Variants in TEX14 observed in about 807,000 individuals in gnomAD.
TEX14 encodes inactive serine/threonine-protein kinase TEX14.
A neutral mutation model predicts 178.6 loss-of-function variants in TEX14; 168 were observed. The ratio of observed to expected loss-of-function variants is 0.94; its 90% CI spans 0.83 to 1.07. The LOEUF (loss-of-function observed/expected upper bound fraction) is 1.07, where lower values mean the gene tolerates loss of function less well. Among genes scored for constraint, TEX14 ranks in the 50% least tolerant of loss-of-function variants. The pLI is 0.00. For missense variants in TEX14, 1,730 were observed against 1,753.6 expected (o/e 0.99, Z 0.24); for synonymous variants, 626 against 634.1 (o/e 0.99, Z 0.19).
chr17:58,667,891 TAAAA>T (rs1205836185), intron 1 of TEX14, among the ~76,000 whole-genome samples: 5 of 102,800 alleles, frequency 4.9e-5, no homozygotes, highest in African/African-American at 7.4e-5. Context: ...AGACTCTGGC[TAAAA>T]AAAAAAAAAA....
intron 14 of TEX14, among the ~76,000 whole-genome samples, chr17:58,596,053 C>G (rs1437837972): frequency 2.0e-5 from 3 of 151,906 alleles, no homozygotes; most frequent in Admixed American, 6.6e-5. Context: ...CATGGTGGTG[C>G]GCACCTGTAG....
rs531976860 is a variant in TEX14, at chr17:58,671,753, T to A, written c.-1-19751A>T. 1.4e-4 allele frequency among the ~76,000 whole-genome samples: 21 copies of A among 152,318 alleles called. No homozygotes were observed. The South Asian group carries it at 4.4e-3, about 32-fold the overall frequency. On this transcript the variant is annotated intron_variant, in intron 1 of 31. Coordinates refer to ENST00000349033, the MANE Select transcript of TEX14 (RefSeq NM_031272.5). ...ATATTTTAAAAACTCGTTTTCTTGTTCTATTTTCTCACCATTTTACATGTT... is the reference window on the plus strand; with the variant it reads ...ATATTTTAAAAACTCGTTTTCTTGTACTATTTTCTCACCATTTTACATGTT...
At chr17:58,602,647 G>T in intron 11 of TEX14, 57 bp from the exon 12 acceptor site, 1 of 1,431,816 alleles carries the variant, frequency 7.0e-7, no homozygotes, top group Non-Finnish European at 9.6e-7. Flanking sequence ...GTGGAGTGGG[G>T]GGAAAAGAAA....
At chr17:58,591,461 T>G (rs1242524109) in intron 15 of TEX14, among the ~76,000 whole-genome samples, 1 of 152,080 alleles carries the variant, frequency 6.6e-6, no homozygotes. Context: ...GAGGTTGCAG[T>G]GAGCCAATAT....
intron 2 of TEX14, 84 bp downstream of exon 2, chr17:58,651,782 A>C: frequency 7.5e-7 from 1 of 1,326,100 alleles, no homozygotes; most frequent in Non-Finnish European, 1.0e-6. Context: ...GGACTCATTC[A>C]TACCTTTATG....
At chr17:58,581,475 C>CT in intron 19 of TEX14, 1 of 976,116 alleles carries the variant, frequency 1.0e-6, no homozygotes, top group South Asian at 1.5e-5. Flanking sequence ...TCATATCACA[C>CT]TCCTGACACC....
intron 10 of TEX14, among the ~76,000 whole-genome samples, chr17:58,605,458 G>C (rs2045584555): frequency 6.6e-6 from 1 of 152,196 alleles, no homozygotes; most frequent in Non-Finnish European, 1.5e-5. Flanking sequence ...TGCCTCTGAA[G>C]GCTGACAACC....
At chr17:58,593,696 TGAG>T in intron 14 of TEX14, 35 bp from the exon 15 acceptor site, 1 of 1,522,610 alleles carries the variant, frequency 6.6e-7, no homozygotes, top group South Asian at 1.1e-5. Flanking sequence ...AGGGCTTTGA[TGAG>T]AGAATTCCCA....
chr17:58,626,007 CA>C (rs1198941247), intron 3 of TEX14, among the ~76,000 whole-genome samples: 8 of 152,014 alleles, frequency 5.3e-5, no homozygotes, highest in African/African-American at 1.7e-4. Flanking sequence ...CCTGGACTTC[CA>C]AAGTGCTGGG....
chr17:58,617,477 TG>T, intron 6 of TEX14, 60 bp downstream of exon 6: 3 of 1,269,646 alleles, frequency 2.4e-6, no homozygotes, highest in Non-Finnish European at 3.4e-6. Flanking sequence ...AGGTGGGAGA[TG>T]GGGCCCGATG....
intron 2 of TEX14, among the ~76,000 whole-genome samples, chr17:58,644,133 T>C (rs2046641906): frequency 6.6e-6 from 1 of 151,876 alleles, no homozygotes; most frequent in Admixed American, 6.6e-5. Flanking sequence ...GGAGACTGAG[T>C]TTAATCACCA....
chr17:58,570,652 G>A lies in TEX14; in HGVS notation c.3718-168C>T, dbSNP rs565564033. ...TTTTTTTTTTTTTTTTTGAGATGGA[G>A]TCTTACTCTGTTGCCCAGGCTGGAG... is the stretch of plus-strand genomic sequence containing the variant. On this transcript the variant is annotated intron_variant, in intron 24 of 31. Transcript: ENST00000349033. Among the ~76,000 whole-genome samples the A allele has an allele frequency of 6.7e-5, 7 of 104,742 alleles. No individual in the cohort carries two copies. In the East Asian group the frequency reaches 2.3e-3, roughly 34 times the overall value. The allele number at this position is 104,742 out of a possible 152,430, so 68.7% of individuals were successfully genotyped here.
chr17:58,581,538 A>ATTT (rs1269465339), intron 19 of TEX14: 43 of 1,544,960 alleles, frequency 2.8e-5, no homozygotes, highest in Non-Finnish European at 3.8e-5. Flanking sequence ...TATGTAAGCT[A>ATTT]TTTTTCTCAA....
At position 58,653,522 on chromosome 17, in the gene TEX14, G is replaced by A. The variant is rs577634173; in HGVS notation, c.-1-1520C>T. Among the ~76,000 whole-genome samples, 4 of 152,240 alleles carry A rather than the reference G, an allele frequency of 2.6e-5. No homozygotes were observed. In the East Asian group the frequency reaches 7.7e-4, roughly 29 times the overall value. ...CTTTAAGATGTGTTTAGGTCACGGG[G>A]GCACCACTCTCATGAATGGATTAGT... is the stretch of plus-strand genomic sequence containing the variant. On this transcript the variant is annotated intron_variant, in intron 1 of 31. Coordinates refer to ENST00000349033, the MANE Select transcript of TEX14 (RefSeq NM_031272.5).
chr17:58,660,737 G>C (rs1208609886), intron 1 of TEX14: 2 of 781,250 alleles, frequency 2.6e-6, no homozygotes, highest in Admixed American at 3.4e-5. Flanking sequence ...TGTTGCCTTG[G>C]CTATTCCCTG....
chr17:58,676,579 CA>C (rs2047398610), intron 1 of TEX14, among the ~76,000 whole-genome samples: 1 of 151,872 alleles, frequency 6.6e-6, no homozygotes, highest in Non-Finnish European at 1.5e-5. Flanking sequence ...GAAAACAAAA[CA>C]AAACAAAACC....
chr17:58,678,149 C>G (rs1008563653), intron 1 of TEX14, among the ~76,000 whole-genome samples: 6 of 151,542 alleles, frequency 4.0e-5, no homozygotes, highest in African/African-American at 1.5e-4. Flanking sequence ...GACTCCAACT[C>G]AAGGGGGAAA....
intron 2 of TEX14, among the ~76,000 whole-genome samples, chr17:58,640,644 T>TGCGA (rs1555577606): frequency 6.8e-6 from 1 of 147,052 alleles, no homozygotes; most frequent in Non-Finnish European, 1.5e-5. Flanking sequence ...TGTGTGTGTG[T>TGCGA]GAGAGAGAGA....
At chr17:58,644,638 CTTTT>C (rs34373378) in intron 2 of TEX14, among the ~76,000 whole-genome samples, 78 of 39,578 alleles carry the variant, frequency 2.0e-3, no homozygotes, top group Non-Finnish European at 2.9e-3. Flanking sequence ...CCGCACCTGG[CTTTT>C]TTTTTTTTTT....
Sources: gnomAD v4.1 joint callset for allele counts (sites outside exome capture counted in the v4.1 genomes callset) on GRCh38, gnomAD v4.1.1 for gene constraint, MANE v1.5 for transcripts, NCBI Gene and HGNC (gene_info 2026-07-23, HGNC 2026-07-21) for gene names.